Variants in ABHD8 observed in about 807,000 individuals in gnomAD.
ABHD8 encodes the protein abhydrolase domain containing 8, also known as protein ABHD8.
Under a neutral mutation model 29.3 loss-of-function variants are expected in ABHD8, and 10 were observed. The ratio of observed to expected loss-of-function variants is 0.34; its 90% CI spans 0.21 to 0.58. The LOEUF (loss-of-function observed/expected upper bound fraction) is 0.58. Among genes scored for constraint, ABHD8 ranks in the 20% least tolerant of loss-of-function variants. The pLI, the probability that ABHD8 is intolerant of heterozygous loss-of-function variation, is 0.85. For missense variants in ABHD8, 556 were observed against 615.3 expected (o/e 0.90, Z 1.02); for synonymous variants, 282 against 274.6 (o/e 1.03, Z -0.27).
intron 2 of ABHD8, chr19:17,297,889 C>G (rs1399151582): frequency 6.6e-6 from 1 of 150,998 alleles, no homozygotes; most frequent in Non-Finnish European, 1.5e-5. Flanking sequence ...AGCCACCACA[C>G]CTGGCCACTT....
intron 2 of ABHD8, among the ~76,000 whole-genome samples, chr19:17,299,732 T>G (rs1485429769): frequency 6.6e-6 from 1 of 151,646 alleles, no homozygotes; most frequent in East Asian, 1.9e-4. Flanking sequence ...ATTTTAAAAA[T>G]GTAAAAATTA....
intron 2 of ABHD8, among the ~76,000 whole-genome samples, chr19:17,298,735 CTTTTTTTTTTTT>C (rs34731394): frequency 4.3e-5 from 3 of 70,422 alleles, no homozygotes; most frequent in African/African-American, 1.8e-4. Context: ...AACAACACTG[CTTTTTTTTTTTT>C]TTTTTTTTTT....
intron 1 of ABHD8, among the ~76,000 whole-genome samples, chr19:17,301,853 G>A (rs12976380): frequency 0.34 from 51,954 of 151,576 alleles, 9,434 homozygotes; most frequent in South Asian, 0.42. Flanking sequence ...GAGGGCAGTG[G>A]CCGGATTTCG....
At chr19:17,295,937 C>G (rs1035662988) in intron 2 of ABHD8, among the ~76,000 whole-genome samples, 6 of 152,132 alleles carry the variant, frequency 3.9e-5, no homozygotes, top group Non-Finnish European at 8.8e-5. Flanking sequence ...TCTTGAACTC[C>G]TGGGCTCAAG....
chr19:17,292,972 A>T, intron 4 of ABHD8, 141 bp from the exon 5 acceptor site: 1 of 921,792 alleles, frequency 1.1e-6, no homozygotes, highest in Non-Finnish European at 1.5e-6. Context: ...CTCCACTTCC[A>T]CTCAAGGGGG....
intron 2 of ABHD8, among the ~76,000 whole-genome samples, chr19:17,299,624 C>T (rs373252990): frequency 4.0e-5 from 6 of 149,920 alleles, no homozygotes; most frequent in Admixed American, 1.3e-4. Flanking sequence ...AGTCCTAGCA[C>T]TTTGGGAGGC....
intron 2 of ABHD8, among the ~76,000 whole-genome samples, chr19:17,300,379 C>G (rs1191242517): frequency 6.6e-6 from 1 of 151,964 alleles, no homozygotes; most frequent in African/African-American, 2.4e-5. Flanking sequence ...AATGTTTGTA[C>G]TTTTTGTAGA....
intron 4 of ABHD8, 106 bp downstream of exon 4, chr19:17,294,182 G>T: frequency 2.2e-6 from 3 of 1,383,706 alleles, no homozygotes; most frequent in Non-Finnish European, 2.9e-6. Flanking sequence ...CCCTCGGGAA[G>T]AAAGCACGCC....
rs1250770211 is a variant in ABHD8, at chr19:17,301,245, C to T, written c.372G>A (p.Pro124=). 8 of 1,595,190 alleles carry T rather than the reference C, an allele frequency of 5.0e-6. No individual in the cohort carries two copies. The Middle Eastern group carries it at 8.3e-4, about 166-fold the overall frequency. The part of the protein sequence containing the change: ...PAALEVELAD[P]AGSDGRLAPG... Reference sequence around the variant, plus strand: ...GGGCCAAGCGGCCATCGCTGCCCGCCGGATCTGCCAGCTCCACCTCCAGGG... The same window carrying T: ...GGGCCAAGCGGCCATCGCTGCCCGCTGGATCTGCCAGCTCCACCTCCAGGG... Residue 124 remains proline, a synonymous_variant, in exon 2 of 5, where the codon CCG becomes CCA. Transcript: ENST00000247706.
At chr19:17,293,115 A>T (rs189353624) in intron 4 of ABHD8, among the ~76,000 whole-genome samples, 2,161 of 93,250 alleles carry the variant, frequency 0.023, 58 homozygotes, top group African/African-American at 0.084. Flanking sequence ...TTTTTTTTTG[A>T]GACAGAGTCT....
chr19:17,300,113 C>G (rs1173343073), intron 2 of ABHD8, among the ~76,000 whole-genome samples: 1 of 151,864 alleles, frequency 6.6e-6, no homozygotes, highest in East Asian at 1.9e-4. Context: ...ACCGTGTTAG[C>G]CAGGATGGTC....
Position 17,300,969 on chromosome 19 carries a change from G to A in ABHD8, c.648C>T (p.Ser216=). ...AGGCTGCGGCCACCTGGGGCGCAGA[G>A]CTGGCCCCGTGGCCGGCCAGGTCAG... is the stretch of plus-strand genomic sequence containing the variant. ...VAPDLAGHGA[S]SAPQVAAAYT... is the part of the protein sequence containing the mutation. Residue 216 remains serine (S), a synonymous_variant, in exon 2 of 5, where the codon AGC becomes AGT. Coordinates refer to ENST00000247706, the MANE Select transcript of ABHD8 (RefSeq NM_024527.5). 1 of 1,613,512 alleles carries A rather than the reference G, an allele frequency of 6.2e-7. No individual in the cohort carries two copies. Among genetic ancestry groups the A allele is most frequent in the East Asian group, 2.2e-5 (1 of 44,880 alleles).
At position 17,294,302 on chromosome 19, in the gene ABHD8, G is replaced by A; in HGVS notation, c.1135C>T (p.Gln379Ter). ...HDKFVPVEEDQRMAEILLLAF... is the reference protein window; with the variant it reads ...HDKFVPVEED ...CCCGCCTCTACCTCGGCCATGCGCT[G>A]GTCTTCCTCCACCGGCACAAACTTA... Residue 379 changes from glutamine to a stop codon, truncating the protein, a stop_gained, in exon 4 of 5, where the codon CAG (glutamine) becomes TAG (stop). Transcript: ENST00000247706. LOFTEE classifies it high-confidence loss of function. 6.2e-7 allele frequency: 1 copy of A among 1,606,500 alleles called. No individual in the cohort carries two copies. Among genetic ancestry groups the A allele is most frequent in the Non-Finnish European group, 8.5e-7 (1 of 1,179,670 alleles).
At chr19:17,297,979 A>G (rs1448649349) in intron 2 of ABHD8, 1 of 150,294 alleles carries the variant, frequency 6.7e-6, no homozygotes, top group Non-Finnish European at 1.5e-5. Context: ...CAGTGGCACA[A>G]TCTCGGCTCA....
In ABHD8 at chr19:17,294,303, G is replaced by A. The variant is rs1334091961; in HGVS notation, c.1134C>T (p.Asp378=). The part of the protein sequence containing the change: ...MHDKFVPVEE[D]QRMAEILLLA... ...CCGCCTCTACCTCGGCCATGCGCTGGTCTTCCTCCACCGGCACAAACTTAT... is the reference window on the plus strand; with the variant it reads ...CCGCCTCTACCTCGGCCATGCGCTGATCTTCCTCCACCGGCACAAACTTAT... Residue 378 remains aspartate, a synonymous_variant, in exon 4 of 5, where the codon GAC becomes GAT. Coordinates refer to ENST00000247706, the MANE Select transcript of ABHD8 (RefSeq NM_024527.5). 3 of 1,606,602 alleles carry A rather than the reference G, an allele frequency of 1.9e-6. No individual in the cohort carries two copies. In the East Asian group the frequency reaches 6.7e-5, roughly 36 times the overall value.
chr19:17,294,601 C>T, intron 3 of ABHD8, 74 bp downstream of exon 3: 3 of 1,606,512 alleles, frequency 1.9e-6, no homozygotes, highest in South Asian at 1.1e-5. Context: ...TACAGTCCCC[C>T]CTCCCATCCA....
intron 2 of ABHD8, among the ~76,000 whole-genome samples, chr19:17,300,360 C>T (rs1381902055): frequency 6.6e-6 from 1 of 152,074 alleles, no homozygotes; most frequent in African/African-American, 2.4e-5. Flanking sequence ...TGCACCTCCT[C>T]ACCTAGCTAA....
Position 17,301,370 on chromosome 19 carries a change from T to C in ABHD8, c.247A>G (p.Thr83Ala). Residue 83 changes from threonine to alanine, a missense_variant, in exon 2 of 5, where the codon ACC becomes GCC. Thr to Ala is a moderately conservative substitution (Grantham distance 58, BLOSUM62 0). This residue lies in a region of ABHD8 where 286 missense variants were observed against 261.4 expected (regional missense o/e 1.09). Transcript: ENST00000247706. Reference sequence around the variant, plus strand: ...AGCAACCGCCCATTGCGGTACACGGTGATCCGGCGCTGACAGCGGACCAAG... The same window carrying C: ...AGCAACCGCCCATTGCGGTACACGGCGATCCGGCGCTGACAGCGGACCAAG... The part of the protein sequence containing the change: ...SGLVRCQRRI[T>A]VYRNGRLLVE... 1 of 1,610,982 alleles carries C rather than the reference T, an allele frequency of 6.2e-7. No homozygotes were observed. Among genetic ancestry groups the C allele is most frequent in the Non-Finnish European group, 8.5e-7 (1 of 1,179,888 alleles).
intron 1 of ABHD8, among the ~76,000 whole-genome samples, 184 bp from the exon 2 acceptor site, chr19:17,301,808 G>GTGTGTGTT (rs1491251074): frequency 2.1e-5 from 3 of 142,496 alleles, no homozygotes; most frequent in African/African-American, 7.6e-5. Context: ...GTGTGTGTGT[G>GTGTGTGTT]TTTTTGAGAC....
Sources: allele counts gnomAD v4.1 joint callset (sites outside exome capture counted in the v4.1 genomes callset), GRCh38; gene constraint gnomAD v4.1.1; regional missense constraint gnomAD v4.1.1; transcripts MANE v1.5; gene names NCBI Gene and HGNC (gene_info 2026-07-23, HGNC 2026-07-21).